The following HIP1 variants were observed in gnomAD, a reference collection of about 807,000 sequenced individuals.
HIP1 encodes huntingtin-interacting protein 1.
A neutral mutation model predicts 147.6 loss-of-function variants in HIP1; 65 were observed. The observed-to-expected ratio is 0.44, with a 90% CI of 0.36 to 0.54. The LOEUF (loss-of-function observed/expected upper bound fraction) is 0.54, where lower values mean the gene tolerates loss of function less well. HIP1 is among the 20% of genes least tolerant of loss of function. The pLI, the probability that HIP1 is intolerant of heterozygous loss-of-function variation, is 0.00. For missense variants in HIP1, 1,061 were observed against 1,299.6 expected (o/e 0.82, Z 2.82); for synonymous variants, 479 against 504.0 (o/e 0.95, Z 0.67).
chr7:75,650,832 C>T (rs537004429), intron 1 of HIP1, among the ~76,000 whole-genome samples: 3 of 152,204 alleles, frequency 2.0e-5, no homozygotes, highest in South Asian at 2.1e-4. Context: ...CTGGTGTCCC[C>T]GCCCTGGGGA....
chr7:75,640,106 A>G (rs906485325), intron 1 of HIP1, among the ~76,000 whole-genome samples: 5 of 152,232 alleles, frequency 3.3e-5, no homozygotes, highest in Non-Finnish European at 7.3e-5. Flanking sequence ...GGTGGCCTCA[A>G]AAGGTCTCCT....
chr7:75,738,716 A>C, intron 1 of HIP1, 85 bp downstream of exon 1: 1 of 1,466,544 alleles, frequency 6.8e-7, no homozygotes. Flanking sequence ...TGGGGCCTGC[A>C]AGACTCCTAC....
intron 1 of HIP1, chr7:75,733,765 G>A (rs1012231389): frequency 6.5e-6 from 1 of 153,176 alleles, no homozygotes. Flanking sequence ...GCTCTAGACT[G>A]GGTATGCGGG....
intron 1 of HIP1, among the ~76,000 whole-genome samples, chr7:75,659,131 A>G (rs1006838242): frequency 2.6e-5 from 4 of 152,184 alleles, no homozygotes; most frequent in Non-Finnish European, 5.9e-5. Context: ...CAGGGTTGAA[A>G]GCTTTATGGC....
chr7:75,728,361 G>A (rs948009074), intron 1 of HIP1, among the ~76,000 whole-genome samples: 11 of 152,332 alleles, frequency 7.2e-5, no homozygotes, highest in South Asian at 6.2e-4. Context: ...GCCCAGGCAG[G>A]AAAACAGGAA....
At chr7:75,665,138 T>C (rs533118536) in intron 1 of HIP1, among the ~76,000 whole-genome samples, 15 of 152,010 alleles carry the variant, frequency 9.9e-5, no homozygotes, top group African/African-American at 3.4e-4. Flanking sequence ...GGTGCACACA[T>C]ATAGTCCCAG....
rs1444457125 is a variant in HIP1 at position 75,534,198 on chromosome 7, GT to G, written c.*3973del. 1 of 227,160 alleles carries G rather than the reference GT, an allele frequency of 4.4e-6. No individual in the cohort carries two copies. Among genetic ancestry groups the G allele is most frequent in the Admixed American group, 5.7e-5 (1 of 17,560 alleles). The allele number at this position is 227,160 out of a possible 1,614,324, so 14.1% of individuals were successfully genotyped here. On this transcript the variant is annotated 3_prime_UTR_variant, in exon 31 of 31. Transcript: ENST00000336926. ...GTACCTGTGATTCCCGTGTTACCTG[GT>G]GGCATAAACCTTGGTGTCTGACTTG...
intron 1 of HIP1, among the ~76,000 whole-genome samples, chr7:75,701,380 C>T (rs868986407): frequency 1.2e-4 from 18 of 151,946 alleles, no homozygotes; most frequent in Middle Eastern, 3.4e-3. Context: ...GGCAACAGAG[C>T]AAGACTCTGT....
intron 1 of HIP1, among the ~76,000 whole-genome samples, chr7:75,603,343 CAAAAAA>C (rs10546584): frequency 7.8e-6 from 1 of 127,540 alleles, no homozygotes; most frequent in South Asian, 2.5e-4. Context: ...GCGAGACTCT[CAAAAAA>C]AAAAAAAAAA....
At chr7:75,683,457 G>A (rs1800161668) in intron 1 of HIP1, among the ~76,000 whole-genome samples, 1 of 152,202 alleles carries the variant, frequency 6.6e-6, no homozygotes, top group Non-Finnish European at 1.5e-5. Flanking sequence ...GTGCACAGGA[G>A]AGCAGGGCGT....
At chr7:75,584,397 C>T (rs1796177407) in intron 5 of HIP1, among the ~76,000 whole-genome samples, 1 of 152,110 alleles carries the variant, frequency 6.6e-6, no homozygotes, top group Admixed American at 6.6e-5. Flanking sequence ...ACTCTTGTAT[C>T]GCTAATTGCT....
intron 1 of HIP1, among the ~76,000 whole-genome samples, chr7:75,678,236 G>A (rs1367120137): frequency 6.6e-6 from 1 of 151,976 alleles, no homozygotes; most frequent in Non-Finnish European, 1.5e-5. Flanking sequence ...AGCTGAGGTG[G>A]ACTACACCTC....
intron 1 of HIP1, among the ~76,000 whole-genome samples, chr7:75,621,255 G>T (rs1472994704): frequency 2.0e-5 from 3 of 152,040 alleles, no homozygotes; most frequent in Non-Finnish European, 4.4e-5. Context: ...ACACCTGGGG[G>T]AAGAGTTCTA....
chr7:75,543,001 C>A, intron 27 of HIP1, 27 bp from the exon 28 acceptor site: 1 of 1,598,740 alleles, frequency 6.3e-7, no homozygotes, highest in South Asian at 1.1e-5. Context: ...GATTTAGGTT[C>A]ATACAACACC....
intron 1 of HIP1, among the ~76,000 whole-genome samples, chr7:75,703,343 G>A (rs567102983): frequency 9.4e-4 from 143 of 151,596 alleles, no homozygotes; most frequent in African/African-American, 3.3e-3. Flanking sequence ...GCAAGACTCC[G>A]TCTCAAAAAT....
chr7:75,696,662 A>ATGAG (rs1383917810), intron 1 of HIP1, among the ~76,000 whole-genome samples: 1 of 146,142 alleles, frequency 6.8e-6, no homozygotes, highest in Non-Finnish European at 1.5e-5. Flanking sequence ...GTGCAGTGGT[A>ATGAG]TGATCTTGGC....
chr7:75,624,608 C>G (rs1162737734), intron 1 of HIP1, among the ~76,000 whole-genome samples: 1 of 152,202 alleles, frequency 6.6e-6, no homozygotes, highest in East Asian at 1.9e-4. Context: ...CAGCTCCAAT[C>G]ATGTCAGAAA....
intron 1 of HIP1, among the ~76,000 whole-genome samples, chr7:75,721,050 A>G (rs1159911825): frequency 6.6e-6 from 1 of 150,924 alleles, no homozygotes; most frequent in East Asian, 2.0e-4. Flanking sequence ...AAAAAAAAAA[A>G]AAAAGACCTC....
intron 1 of HIP1, among the ~76,000 whole-genome samples, chr7:75,607,529 T>C (rs1378688006): frequency 9.3e-6 from 1 of 107,418 alleles, no homozygotes; most frequent in Admixed American, 1.1e-4. Flanking sequence ...ATGCCCAGCC[T>C]AAAAAAAAAA....
Sources: gnomAD v4.1 joint callset for allele counts (sites outside exome capture counted in the v4.1 genomes callset) on GRCh38, gnomAD v4.1.1 for gene constraint, MANE v1.5 for transcripts, NCBI Gene and HGNC (gene_info 2026-07-23, HGNC 2026-07-21) for gene names.